Variants in PIBF1 observed in about 807,000 individuals in gnomAD.
PIBF1 encodes the protein progesterone-induced-blocking factor 1.
PIBF1 carries 90 observed loss-of-function variants against 112.5 expected under a neutral mutation model. The observed-to-expected ratio is 0.80, with a 90% CI of 0.67 to 0.95. The LOEUF (loss-of-function observed/expected upper bound fraction) is 0.95, where lower values mean the gene tolerates loss of function less well. PIBF1 is among the 40% of genes least tolerant of loss of function. The probability of loss-of-function intolerance (pLI) is 0.00; values close to 1 mark genes in which losing one functional copy is unlikely to be tolerated. For synonymous variants in PIBF1, 301 were observed against 288.6 expected (o/e 1.04, Z -0.44); for missense variants, 915 against 852.3 (o/e 1.07, Z -0.92).
chr13:72,784,407 C>T (rs2034480745), intron 2 of PIBF1, among the ~76,000 whole-genome samples: 1 of 152,006 alleles, frequency 6.6e-6, no homozygotes, highest in South Asian at 2.1e-4. Flanking sequence ...AATCGTGCCA[C>T]TGCACTCCAG....
chr13:72,802,619 G>A (rs1391482985), intron 5 of PIBF1, among the ~76,000 whole-genome samples: 1 of 152,188 alleles, frequency 6.6e-6, no homozygotes. Context: ...AGCTGAGATA[G>A]GTAGGTTGTG....
At chr13:73,010,385 C>G (rs1470468356) in intron 17 of PIBF1, among the ~76,000 whole-genome samples, 2 of 151,874 alleles carry the variant, frequency 1.3e-5, no homozygotes, top group African/African-American at 4.8e-5. Flanking sequence ...GGCGAATCAC[C>G]TGAGGTCAGG....
chr13:72,858,025 G>GCTTTTTT (rs1555299662), intron 10 of PIBF1, among the ~76,000 whole-genome samples: 11 of 17,592 alleles, frequency 6.3e-4, no homozygotes, highest in Admixed American at 2.1e-3. Context: ...AATGTACATT[G>GCTTTTTT]TGTGTGTGTG....
intron 17 of PIBF1, among the ~76,000 whole-genome samples, chr13:73,007,017 T>TAA (rs1222610381): frequency 7.3e-5 from 11 of 150,864 alleles, no homozygotes; most frequent in Non-Finnish European, 1.2e-4. Context: ...TATATATATA[T>TAA]AATGTGTATG....
chr13:72,794,306 A>G (rs891674872), intron 3 of PIBF1, among the ~76,000 whole-genome samples: 17 of 152,240 alleles, frequency 1.1e-4, no homozygotes, highest in African/African-American at 4.1e-4. Flanking sequence ...ATAATTATAG[A>G]CAACTTTTGA....
At chr13:72,964,792 G>T (rs1180809952) in intron 14 of PIBF1, among the ~76,000 whole-genome samples, 2 of 152,164 alleles carry the variant, frequency 1.3e-5, no homozygotes, top group East Asian at 3.9e-4. Context: ...GCCAGGCGAG[G>T]TGGCTCACAC....
chr13:72,987,858 A>ATTTATTTATTTTTTTTTTTT (rs1345167411), intron 16 of PIBF1, among the ~76,000 whole-genome samples: 9 of 58,112 alleles, frequency 1.5e-4, no homozygotes, highest in African/African-American at 2.8e-4. Flanking sequence ...TTATTTATTT[A>ATTTATTTATTTTTTTTTTTT]TTTTTTTTTT....
Position 72,973,600 on chromosome 13 carries a change from TA to T in PIBF1, c.1977del (p.Glu660LysfsTer14). 6.5e-7 allele frequency: 1 copy of T among 1,545,768 alleles called. No individual in the cohort carries two copies. Among genetic ancestry groups the T allele is most frequent in the Non-Finnish European group, 8.7e-7 (1 of 1,143,828 alleles). The stretch of plus-strand genomic sequence containing the variant: ...GGGTTTTTTTTTTCAGCAACTTAAA[TA>T]AAGAAAAGTCAGCTTTACTACAGAC... ...QLEKDVSNLN[K>X]EKSALLQTKN... is the part of the protein sequence containing the mutation. On this transcript the variant is annotated frameshift_variant, in exon 16 of 18. Coordinates refer to ENST00000326291, the MANE Select transcript of PIBF1 (RefSeq NM_006346.4). LOFTEE classifies it high-confidence loss of function.
At chr13:72,882,852 A>C (rs2138507243) in intron 10 of PIBF1, among the ~76,000 whole-genome samples, 1 of 152,354 alleles carries the variant, frequency 6.6e-6, no homozygotes, top group Admixed American at 6.5e-5. Context: ...AATGTAACTT[A>C]GTACAACCAC....
chr13:72,943,117 T>C (rs911544302), intron 14 of PIBF1, among the ~76,000 whole-genome samples: 2 of 152,206 alleles, frequency 1.3e-5, no homozygotes, highest in Non-Finnish European at 2.9e-5. Context: ...TTTTTTTTAA[T>C]TTAGCAAGTG....
intron 15 of PIBF1, among the ~76,000 whole-genome samples, chr13:72,968,909 C>T (rs997686448): frequency 1.3e-5 from 2 of 151,786 alleles, no homozygotes; most frequent in Non-Finnish European, 2.9e-5. Context: ...AGTGTGATGG[C>T]ACGCTTCTGT....
chr13:72,964,330 G>A (rs1330187160), intron 14 of PIBF1, among the ~76,000 whole-genome samples: 1 of 152,162 alleles, frequency 6.6e-6, no homozygotes, highest in African/African-American at 2.4e-5. Flanking sequence ...GGGCCAGGAG[G>A]GAGGAGAAAA....
intron 13 of PIBF1, among the ~76,000 whole-genome samples, chr13:72,924,554 T>G (rs951025150): frequency 6.6e-6 from 1 of 152,064 alleles, no homozygotes; most frequent in Non-Finnish European, 1.5e-5. Flanking sequence ...AAACACAGCC[T>G]CTACAAAAAT....
chr13:72,783,028 C>T (rs773229574), intron 1 of PIBF1, among the ~76,000 whole-genome samples: 4 of 151,994 alleles, frequency 2.6e-5, no homozygotes, highest in Non-Finnish European at 4.4e-5. Context: ...CATGCCTGTC[C>T]AAATCTTTAA....
intron 5 of PIBF1, among the ~76,000 whole-genome samples, chr13:72,804,925 G>C (rs2035648991): frequency 6.6e-6 from 1 of 152,130 alleles, no homozygotes; most frequent in Non-Finnish European, 1.5e-5. Context: ...GCCATAGTAA[G>C]TTTCAGGACA....
chr13:72,792,162 G>A (rs1171032682), intron 2 of PIBF1, among the ~76,000 whole-genome samples: 1 of 151,956 alleles, frequency 6.6e-6, no homozygotes, highest in Non-Finnish European at 1.5e-5. Context: ...CGGGTGTGGT[G>A]GCACTTGGCT....
At chr13:72,788,397 G>A (rs1431945619) in intron 2 of PIBF1, among the ~76,000 whole-genome samples, 1 of 152,114 alleles carries the variant, frequency 6.6e-6, no homozygotes, top group Non-Finnish European at 1.5e-5. Flanking sequence ...GCAAGAGAAG[G>A]ATTTTGTTTC....
intron 12 of PIBF1, among the ~76,000 whole-genome samples, chr13:72,910,433 C>T (rs1007218778): frequency 3.4e-4 from 51 of 152,130 alleles, no homozygotes; most frequent in Admixed American, 8.5e-4. Flanking sequence ...TTCTTACCTC[C>T]GTAACTTTGC....
chr13:72,998,441 C>G (rs1353850424), intron 16 of PIBF1, among the ~76,000 whole-genome samples: 2 of 151,896 alleles, frequency 1.3e-5, no homozygotes, highest in African/African-American at 4.8e-5. Flanking sequence ...CACCACTGCA[C>G]TCCAGCCTGG....
Sources: allele counts gnomAD v4.1 joint callset (sites outside exome capture counted in the v4.1 genomes callset), GRCh38; gene constraint gnomAD v4.1.1; transcripts MANE v1.5; gene names NCBI Gene and HGNC (gene_info 2026-07-23, HGNC 2026-07-21).